The following AOPEP variants were observed in gnomAD, a reference collection of about 807,000 sequenced individuals.
AOPEP encodes aminopeptidase O.
Under a neutral mutation model 98.1 loss-of-function variants are expected in AOPEP, and 77 were observed. That is an observed-to-expected ratio of 0.78 (90% CI 0.65 to 0.95). The LOEUF (loss-of-function observed/expected upper bound fraction) is 0.95, where lower values mean the gene tolerates loss of function less well. AOPEP is among the 40% of genes least tolerant of loss of function. The pLI, the probability that AOPEP is intolerant of heterozygous loss-of-function variation, is 0.00. For missense variants in AOPEP, 1,024 were observed against 1,024.7 expected (o/e 1.00, Z 0.01); for synonymous variants, 346 against 365.3 (o/e 0.95, Z 0.60).
At chr9:94,857,316 C>T (rs1380803094) in intron 5 of AOPEP, among the ~76,000 whole-genome samples, 3 of 152,156 alleles carry the variant, frequency 2.0e-5, no homozygotes, top group Admixed American at 6.5e-5. Context: ...TTAACTGCTG[C>T]GAATTCACCT....
the AOPEP span, chr9:95,101,692 C>T: frequency 8.1e-6 from 13 of 1,613,350 alleles, no homozygotes; most frequent in South Asian, 8.8e-5. Context: ...GGCACCCACA[C>T]GGCCTGCGTG....
chr9:94,894,119 G>A (rs1247232174), intron 5 of AOPEP, among the ~76,000 whole-genome samples: 1 of 152,106 alleles, frequency 6.6e-6, no homozygotes, highest in Non-Finnish European at 1.5e-5. Flanking sequence ...CACCAAAATT[G>A]TTCTTGATGA....
intron 5 of AOPEP, among the ~76,000 whole-genome samples, chr9:94,893,322 T>A (rs982994756): frequency 3.9e-5 from 6 of 152,100 alleles, no homozygotes; most frequent in African/African-American, 1.4e-4. Flanking sequence ...AATAGCCAGG[T>A]AGCAGTGTAA....
At chr9:94,909,862 A>G (rs2136418589) in intron 5 of AOPEP, among the ~76,000 whole-genome samples, 1 of 152,148 alleles carries the variant, frequency 6.6e-6, no homozygotes, top group Middle Eastern at 3.4e-3. Flanking sequence ...AGCAGCTCCC[A>G]CCCCATGGAT....
At chr9:94,940,162 C>T (rs2056841760) in intron 7 of AOPEP, among the ~76,000 whole-genome samples, 1 of 152,172 alleles carries the variant, frequency 6.6e-6, no homozygotes, top group Non-Finnish European at 1.5e-5. Flanking sequence ...TAGCTTTAGT[C>T]CCCTTAGCTG....
intron 5 of AOPEP, among the ~76,000 whole-genome samples, chr9:94,914,811 T>C (rs1220154851): frequency 6.6e-6 from 1 of 152,146 alleles, no homozygotes; most frequent in Admixed American, 6.5e-5. Flanking sequence ...GAAATGCAGG[T>C]TCCTAGGCCC....
chr9:94,976,476 G>A (rs1042604505), intron 10 of AOPEP, among the ~76,000 whole-genome samples: 2 of 152,018 alleles, frequency 1.3e-5, no homozygotes, highest in African/African-American at 4.8e-5. Context: ...CAATTAAGTC[G>A]CTCCTCGGAC....
At chr9:95,013,701 T>A (rs1265764088) in intron 13 of AOPEP, among the ~76,000 whole-genome samples, 4 of 152,200 alleles carry the variant, frequency 2.6e-5, no homozygotes, top group African/African-American at 9.6e-5. Flanking sequence ...TAGTCCTGGT[T>A]TTTTGCATGT....
chr9:95,106,040 C>T, the AOPEP span, among the ~76,000 whole-genome samples: 2 of 152,202 alleles, frequency 1.3e-5, no homozygotes, highest in Non-Finnish European at 2.9e-5. Context: ...GAGGAACCAC[C>T]CCATTCTTCT....
chr9:94,799,874 AAT>A (rs1446860399), intron 4 of AOPEP, among the ~76,000 whole-genome samples: 5 of 150,382 alleles, frequency 3.3e-5, no homozygotes, highest in African/African-American at 1.2e-4. Flanking sequence ...AAAAAAAAAA[AAT>A]AATGAAATAA....
At chr9:94,816,191 G>T (rs1203681853) in intron 5 of AOPEP, among the ~76,000 whole-genome samples, 1 of 152,058 alleles carries the variant, frequency 6.6e-6, no homozygotes, top group East Asian at 1.9e-4. Context: ...GATTAGCCTG[G>T]CCTTGTAGAT....
chr9:94,851,290 C>G (rs756494105), intron 5 of AOPEP, among the ~76,000 whole-genome samples: 1 of 152,074 alleles, frequency 6.6e-6, no homozygotes, highest in Admixed American at 6.5e-5. Flanking sequence ...GTCCCACGCC[C>G]GTTACCTCCA....
At chr9:94,813,411 C>T (rs937961558) in intron 5 of AOPEP, among the ~76,000 whole-genome samples, 8 of 152,156 alleles carry the variant, frequency 5.3e-5, no homozygotes, top group African/African-American at 1.4e-4. Context: ...TTATAGCTTT[C>T]GGGGTGTCCT....
chr9:94,914,262 G>T lies in AOPEP; in HGVS notation c.1365-9724G>T, dbSNP rs1347576809. Among the ~76,000 whole-genome samples the T allele has an allele frequency of 2.6e-5, 4 of 152,204 alleles. No individual in the cohort carries two copies. The South Asian group carries it at 6.2e-4, about 24-fold the overall frequency. On this transcript the variant is annotated intron_variant, in intron 5 of 16. Transcript: ENST00000375315. ...TGACAAGGAGGCTCAGCCAATGGCA[G>T]GGAGACGGGAGGGAGAAGTTGGGAC...
At chr9:94,742,448 T>C (rs1256451714) in intron 1 of AOPEP, among the ~76,000 whole-genome samples, 2 of 152,052 alleles carry the variant, frequency 1.3e-5, no homozygotes, top group Non-Finnish European at 2.9e-5. Flanking sequence ...CTTTTTTTTT[T>C]TTTGGACTTA....
the AOPEP span, among the ~76,000 whole-genome samples, chr9:95,132,004 T>A: frequency 3.5e-4 from 53 of 152,362 alleles, 1 homozygote; most frequent in South Asian, 9.3e-3. Context: ...AATTAAGCCA[T>A]AAAGATTTTT....
intron 1 of AOPEP, among the ~76,000 whole-genome samples, chr9:94,743,422 G>T (rs1833722627): frequency 6.6e-6 from 1 of 152,196 alleles, no homozygotes; most frequent in Non-Finnish European, 1.5e-5. Context: ...AAGTAAACTT[G>T]TAGTGAAGTG....
rs1589065407 is a variant in AOPEP at position 94,955,174 on chromosome 9, T to G, written c.1662-3T>G. Reference sequence around the variant, plus strand: ...TAAATAAATTGTTACTAAATCGTTTTAGACCCAGTAAAGACAAAACTGGCC... The same window carrying G: ...TAAATAAATTGTTACTAAATCGTTTGAGACCCAGTAAAGACAAAACTGGCC... On this transcript the variant is annotated splice_polypyrimidine_tract_variant and splice_region_variant and intron_variant, in intron 7 of 16. Coordinates refer to ENST00000375315, the MANE Select transcript of AOPEP (RefSeq NM_001193329.3). 3 of 1,590,398 alleles carry G rather than the reference T, an allele frequency of 1.9e-6. No individual in the cohort carries two copies. The East Asian group carries it at 6.7e-5, about 36-fold the overall frequency.
At chr9:94,807,259 T>C (rs1246884481) in intron 5 of AOPEP, among the ~76,000 whole-genome samples, 2 of 152,222 alleles carry the variant, frequency 1.3e-5, no homozygotes, top group Non-Finnish European at 2.9e-5. Context: ...GCTGTGTTGC[T>C]TGTCAGATCG....
Sources: gnomAD v4.1 joint callset for allele counts (sites outside exome capture counted in the v4.1 genomes callset) on GRCh38, gnomAD v4.1.1 for gene constraint, MANE v1.5 for transcripts, NCBI Gene and HGNC (gene_info 2026-07-23, HGNC 2026-07-21) for gene names.